MLLT3: variants seen among roughly 807,000 people sequenced by gnomAD.
The protein encoded by MLLT3 is protein AF-9.
MLLT3 carries 4 observed loss-of-function variants against 53.2 expected under a neutral mutation model. The ratio of observed to expected loss-of-function variants is 0.08; its 90% CI spans 0.04 to 0.17. The LOEUF (loss-of-function observed/expected upper bound fraction) is 0.17, where lower values mean the gene tolerates loss of function less well. Among genes scored for constraint, MLLT3 ranks in the 10% least tolerant of loss-of-function variants. MLLT3 has a pLI of 1.00. For synonymous variants in MLLT3, 283 were observed against 230.6 expected, an observed-to-expected ratio of 1.23 and a Z score of -2.06; for missense variants, 569 against 684.0, an observed-to-expected ratio of 0.83 and a Z score of 1.87.
chr9:20,376,345 T>C (rs1821764801), intron 5 of MLLT3, among the ~76,000 whole-genome samples: 1 of 152,210 alleles, frequency 6.6e-6, no homozygotes, highest in African/African-American at 2.4e-5. Flanking sequence ...AAAGCTATTG[T>C]TATACCCATC....
chr9:20,363,253 T>C, intron 7 of MLLT3: 1 of 469,364 alleles, frequency 2.1e-6, no homozygotes, highest in Non-Finnish European at 3.7e-6. Context: ...TAATGTGACT[T>C]TTTCCTATAA....
intron 10 of MLLT3, among the ~76,000 whole-genome samples, chr9:20,349,768 C>G (rs16938027): frequency 1.1e-4 from 16 of 152,172 alleles, no homozygotes; most frequent in Non-Finnish European, 1.9e-4. Context: ...CATCACCACC[C>G]GCTACCTCCT....
chr9:20,550,159 G>A (rs1011749320), intron 2 of MLLT3, among the ~76,000 whole-genome samples: 25 of 152,108 alleles, frequency 1.6e-4, no homozygotes, highest in African/African-American at 6.0e-4. Context: ...CACGTAACAA[G>A]GTTGATAATG....
intron 2 of MLLT3, among the ~76,000 whole-genome samples, chr9:20,538,340 T>C (rs1043124842): frequency 1.3e-5 from 2 of 152,336 alleles, no homozygotes; most frequent in Admixed American, 1.3e-4. Flanking sequence ...GGGGTCAAAT[T>C]ACTTGCCCAA....
intron 2 of MLLT3, among the ~76,000 whole-genome samples, chr9:20,458,022 TGCATTTCCCCCAAATGTGCCCA>T (rs1284029500): frequency 6.6e-6 from 1 of 152,156 alleles, no homozygotes; most frequent in Non-Finnish European, 1.5e-5. Context: ...TTCATTCCAA[TGCATTTCCCCCAAATGTGCCCA>T]GCATTTCCCA....
intron 2 of MLLT3, among the ~76,000 whole-genome samples, chr9:20,534,808 C>A (rs1412173169): frequency 6.6e-6 from 1 of 152,054 alleles, no homozygotes; most frequent in Non-Finnish European, 1.5e-5. Flanking sequence ...ATGGCATGAA[C>A]CCAGGAGGCA....
chr9:20,379,666 AG>A (rs1243732331), intron 5 of MLLT3, among the ~76,000 whole-genome samples: 1 of 152,068 alleles, frequency 6.6e-6, no homozygotes, highest in Admixed American at 6.6e-5. Context: ...AACAATAAGA[AG>A]GTACTTTTCA....
At chr9:20,405,137 G>A (rs1433147066) in intron 5 of MLLT3, among the ~76,000 whole-genome samples, 2 of 152,094 alleles carry the variant, frequency 1.3e-5, no homozygotes, top group African/African-American at 4.8e-5. Context: ...TAACATTAGG[G>A]AAAAGTTCCC....
intron 2 of MLLT3, among the ~76,000 whole-genome samples, chr9:20,587,966 T>A (rs1004783550): frequency 7.2e-4 from 109 of 150,804 alleles, no homozygotes; most frequent in Non-Finnish European, 1.3e-3. Flanking sequence ...AGGGTTTTTA[T>A]GGTTTTAGGT....
At chr9:20,524,122 T>C (rs1587024075) in intron 2 of MLLT3, among the ~76,000 whole-genome samples, 1 of 152,084 alleles carries the variant, frequency 6.6e-6, no homozygotes, top group Non-Finnish European at 1.5e-5. Context: ...TGGATAGATG[T>C]CATTATACAC....
intron 5 of MLLT3, among the ~76,000 whole-genome samples, chr9:20,386,966 A>C (rs756252020): frequency 8.5e-5 from 13 of 152,190 alleles, no homozygotes; most frequent in Non-Finnish European, 1.6e-4. Context: ...AAATTCTACT[A>C]TTCTACTTTT....
intron 4 of MLLT3, among the ~76,000 whole-genome samples, chr9:20,435,024 G>A (rs2118823487): frequency 6.6e-6 from 1 of 152,174 alleles, no homozygotes; most frequent in Non-Finnish European, 1.5e-5. Context: ...AAAAAAAAAT[G>A]TTGTTTTTGC....
intron 2 of MLLT3, among the ~76,000 whole-genome samples, chr9:20,537,761 T>C (rs1167893779): frequency 6.6e-6 from 1 of 152,196 alleles, no homozygotes; most frequent in Non-Finnish European, 1.5e-5. Flanking sequence ...ATCCTGCAGA[T>C]GATTTATTGC....
At chr9:20,616,937 T>A (rs1264390439) in intron 2 of MLLT3, among the ~76,000 whole-genome samples, 1 of 152,170 alleles carries the variant, frequency 6.6e-6, no homozygotes, top group Non-Finnish European at 1.5e-5. Flanking sequence ...TAATAGACCT[T>A]GCCAATGTTC....
chr9:20,608,712 G>C (rs1273105913), intron 2 of MLLT3, among the ~76,000 whole-genome samples: 3 of 151,914 alleles, frequency 2.0e-5, no homozygotes, highest in Admixed American at 2.0e-4. Context: ...TCTTAATCAT[G>C]TTCCAAATTA....
intron 2 of MLLT3, among the ~76,000 whole-genome samples, chr9:20,551,641 A>C (rs1470921915): frequency 6.6e-6 from 1 of 152,204 alleles, no homozygotes; most frequent in African/African-American, 2.4e-5. Context: ...AAGAAAAAAA[A>C]ACTTGCTCAT....
At position 20,589,328 on chromosome 9, in the gene MLLT3, G is replaced by A. The variant is rs555693429; in HGVS notation, c.193+31326C>T. On this transcript the variant is annotated intron_variant, in intron 2 of 10. Transcript: ENST00000380338. Reference sequence around the variant, plus strand: ...AAACCATCATTCTCAGTAAACTATCGCAAGAACAAAAAACCAAACGCCACA... The same window carrying A: ...AAACCATCATTCTCAGTAAACTATCACAAGAACAAAAAACCAAACGCCACA... Among the ~76,000 whole-genome samples, 10 of 150,822 alleles carry A rather than the reference G, an allele frequency of 6.6e-5. No individual in the cohort carries two copies. The South Asian group carries it at 1.1e-3, about 16-fold the overall frequency.
At chr9:20,429,825 C>A (rs1823223757) in intron 4 of MLLT3, among the ~76,000 whole-genome samples, 1 of 152,092 alleles carries the variant, frequency 6.6e-6, no homozygotes, top group East Asian at 1.9e-4. Context: ...CTACCAAAGT[C>A]CCATGGAGAC....
intron 4 of MLLT3, among the ~76,000 whole-genome samples, chr9:20,446,837 C>T (rs1823717195): frequency 6.6e-6 from 1 of 152,028 alleles, no homozygotes; most frequent in South Asian, 2.1e-4. Context: ...AGTTGTGTTA[C>T]AAAAATAAAT....
Sources: gnomAD v4.1 joint callset for allele counts (sites outside exome capture counted in the v4.1 genomes callset) on GRCh38, gnomAD v4.1.1 for gene constraint, MANE v1.5 for transcripts, NCBI Gene and HGNC (gene_info 2026-07-23, HGNC 2026-07-21) for gene names.